Variants in TRAPPC9 observed in about 807,000 individuals in gnomAD.
TRAPPC9 encodes the protein IKK2 binding protein.
A neutral mutation model predicts 124.0 loss-of-function variants in TRAPPC9; 83 were observed. The ratio of observed to expected loss-of-function variants is 0.67; its 90% CI spans 0.56 to 0.80. The LOEUF is 0.80. Among genes scored for constraint, TRAPPC9 ranks in the 30% least tolerant of loss-of-function variants. The probability of loss-of-function intolerance (pLI) is 0.00; values close to 1 mark genes in which losing one functional copy is unlikely to be tolerated. For synonymous variants in TRAPPC9, 638 were observed against 617.5 expected, an observed-to-expected ratio of 1.03 and a Z score of -0.49; for missense variants, 1,302 against 1,508.3, an observed-to-expected ratio of 0.86 and a Z score of 2.27.
intron 17 of TRAPPC9, among the ~76,000 whole-genome samples, chr8:140,054,555 G>C (rs1282043353): frequency 6.6e-6 from 1 of 152,018 alleles, no homozygotes; most frequent in Non-Finnish European, 1.5e-5. Context: ...GACAATAATA[G>C]ATTAGAGCAA....
At chr8:139,810,649 T>C (rs1458587008) in intron 21 of TRAPPC9, among the ~76,000 whole-genome samples, 1 of 152,148 alleles carries the variant, frequency 6.6e-6, no homozygotes, top group African/African-American at 2.4e-5. Flanking sequence ...TTGGTAGGAC[T>C]TGGGCCAGGA....
At chr8:140,150,216 G>A (rs1390036123) in intron 17 of TRAPPC9, among the ~76,000 whole-genome samples, 2 of 152,226 alleles carry the variant, frequency 1.3e-5, no homozygotes, top group Non-Finnish European at 2.9e-5. Flanking sequence ...GGGAGGCTGA[G>A]GCAGGCAGAT....
intron 17 of TRAPPC9, among the ~76,000 whole-genome samples, chr8:140,170,919 T>G (rs2061953363): frequency 6.6e-6 from 1 of 151,748 alleles, no homozygotes; most frequent in Non-Finnish European, 1.5e-5. Context: ...CGTGAAGAGG[T>G]GGGTCAGAGG....
At chr8:140,077,480 C>T (rs1410999941) in intron 17 of TRAPPC9, among the ~76,000 whole-genome samples, 2 of 152,132 alleles carry the variant, frequency 1.3e-5, no homozygotes, top group East Asian at 3.9e-4. Context: ...GACCAGATGC[C>T]TACTCTCTAA....
chr8:140,386,346 T>C (rs2068755437), intron 7 of TRAPPC9, among the ~76,000 whole-genome samples: 1 of 152,070 alleles, frequency 6.6e-6, no homozygotes, highest in African/African-American at 2.4e-5. Context: ...AAATAAAGGG[T>C]ATTTAATTAG....
In TRAPPC9 at chr8:140,332,599, T is replaced by A. The variant is rs190800855; in HGVS notation, c.1496-21225A>T. Among the ~76,000 whole-genome samples the A allele has an allele frequency of 3.4e-3, 510 of 152,164 alleles. 5 individuals are homozygous for A. The highest frequency in any genetic ancestry group is 4.0e-3 in the Non-Finnish European group (270 of 68,002). ...GTACCACATAAACATATACAATTAC[T>A]GTATCAATTAAAAATACTAAAATAA... On this transcript the variant is annotated intron_variant, in intron 9 of 22. Coordinates refer to ENST00000438773, the MANE Select transcript of TRAPPC9 (RefSeq NM_001160372.4).
chr8:140,105,938 C>A (rs1326149411), intron 17 of TRAPPC9, among the ~76,000 whole-genome samples: 2 of 151,774 alleles, frequency 1.3e-5, no homozygotes, highest in African/African-American at 4.8e-5. Flanking sequence ...TCTCATCTTT[C>A]CTTAAAAGCA....
intron 5 of TRAPPC9, among the ~76,000 whole-genome samples, chr8:140,413,995 G>A (rs1156551716): frequency 2.0e-5 from 3 of 152,012 alleles, no homozygotes. Context: ...CTTTATAGCA[G>A]CATGATTTAT....
rs989158681 is a variant in TRAPPC9 at position 140,092,584 on chromosome 8, A to G, written c.2557-68505T>C. Among the ~76,000 whole-genome samples, 4 of 152,202 alleles carry G rather than the reference A, an allele frequency of 2.6e-5. No homozygotes were observed. The East Asian group carries it at 7.7e-4, about 29-fold the overall frequency. ...GAGACTGAGTAACTTATCCAAGGGC[A>G]CACAGCTAATGAGTCCAGGAATCAA... On this transcript the variant is annotated intron_variant, in intron 17 of 22. Coordinates refer to ENST00000438773, the MANE Select transcript of TRAPPC9 (RefSeq NM_001160372.4).
At chr8:140,213,502 T>C (rs948116646) in intron 17 of TRAPPC9, among the ~76,000 whole-genome samples, 1 of 152,262 alleles carries the variant, frequency 6.6e-6, no homozygotes, top group Non-Finnish European at 1.5e-5. Context: ...GCTTTGTCTA[T>C]GTTGGGTTTC....
chr8:140,254,738 C>T (rs36112566), intron 15 of TRAPPC9, among the ~76,000 whole-genome samples: 9,664 of 152,266 alleles, frequency 0.063, 394 homozygotes, highest in Non-Finnish European at 0.091. Flanking sequence ...TGAACGTCTT[C>T]GGTCTGAATA....
intron 11 of TRAPPC9, among the ~76,000 whole-genome samples, chr8:140,291,466 T>C (rs560206071): frequency 6.6e-6 from 1 of 152,332 alleles, no homozygotes; most frequent in South Asian, 2.1e-4. Flanking sequence ...ATTTGCCCTA[T>C]TCCCCTAAGA....
At position 139,776,504 on chromosome 8, in the gene TRAPPC9, C is replaced by T. The variant is rs902355791; in HGVS notation, c.3056-44302G>A. ...AGGTGATGCATCTCAACCCATTCGG[C>T]AAACGGGAGCTTCATCGCAATAGCG... On this transcript the variant is annotated intron_variant, in intron 21 of 22. Transcript: ENST00000438773. This position sits in a 1 kb window ranked among gnomAD's most constrained non-coding sequence, Gnocchi z 4.1. 6.6e-6 allele frequency among the ~76,000 whole-genome samples: 1 copy of T among 152,226 alleles called. No homozygotes were observed. The highest frequency in any genetic ancestry group is 2.4e-5 in the African/African-American group (1 of 41,466).
chr8:140,346,533 C>T (rs2067355431), intron 9 of TRAPPC9, among the ~76,000 whole-genome samples: 1 of 152,168 alleles, frequency 6.6e-6, no homozygotes, highest in African/African-American at 2.4e-5. Context: ...CATGCAAAAA[C>T]CAAGATTTTT....
chr8:139,912,126 A>C (rs1831778875), intron 19 of TRAPPC9, among the ~76,000 whole-genome samples: 1 of 152,232 alleles, frequency 6.6e-6, no homozygotes, highest in Non-Finnish European at 1.5e-5. Flanking sequence ...ATAAAAAAGA[A>C]AATAAAAGCA....
At chr8:140,440,686 A>C (rs1246465796) in intron 2 of TRAPPC9, among the ~76,000 whole-genome samples, 1 of 151,668 alleles carries the variant, frequency 6.6e-6, no homozygotes. Flanking sequence ...TCCCTCCCCC[A>C]CTGCAAACCT....
At chr8:139,740,969 G>A (rs907263712) in intron 21 of TRAPPC9, among the ~76,000 whole-genome samples, 1 of 152,140 alleles carries the variant, frequency 6.6e-6, no homozygotes, top group Non-Finnish European at 1.5e-5. Flanking sequence ...CCCAGCCCTG[G>A]GCAGCTGCCA....
intron 21 of TRAPPC9, among the ~76,000 whole-genome samples, chr8:139,833,617 C>CA (rs2130852791): frequency 6.6e-6 from 1 of 152,374 alleles, no homozygotes; most frequent in South Asian, 2.1e-4. Context: ...GGGTGGTTCA[C>CA]AGGCAGGGCA....
chr8:140,110,201 A>G (rs1399571188), intron 17 of TRAPPC9, among the ~76,000 whole-genome samples: 1 of 86,422 alleles, frequency 1.2e-5, no homozygotes, highest in Non-Finnish European at 2.4e-5. Context: ...CAGCTCCCCC[A>G]TGCACCCCCT....
Sources: allele counts gnomAD v4.1 joint callset (sites outside exome capture counted in the v4.1 genomes callset), GRCh38; gene constraint gnomAD v4.1.1; non-coding constraint Gnocchi (gnomAD v3.1); transcripts MANE v1.5; gene names NCBI Gene and HGNC (gene_info 2026-07-23, HGNC 2026-07-21).